The following NEK7 variants were observed in gnomAD, a reference collection of about 807,000 sequenced individuals.
NEK7 encodes the protein NIMA related kinase 7.
Under a neutral mutation model 44.6 loss-of-function variants are expected in NEK7, and 18 were observed. That is an observed-to-expected ratio of 0.40 (90% CI 0.28 to 0.60). NEK7 has a LOEUF of 0.60. NEK7 is among the 20% of genes least tolerant of loss of function. The pLI is 0.38. For synonymous variants in NEK7, 130 were observed against 121.1 expected (o/e 1.07, Z -0.48); for missense variants, 256 against 366.5 (o/e 0.70, Z 2.46).
At chr1:198,243,566 C>T (rs953050911) in intron 2 of NEK7, among the ~76,000 whole-genome samples, 1 of 152,086 alleles carries the variant, frequency 6.6e-6, no homozygotes, top group African/African-American at 2.4e-5. Flanking sequence ...TTGGTTACAT[C>T]ATTTGGATGT....
chr1:198,309,100 G>A (rs1253766404), intron 9 of NEK7, among the ~76,000 whole-genome samples: 1 of 152,128 alleles, frequency 6.6e-6, no homozygotes, highest in Non-Finnish European at 1.5e-5. Context: ...GTACACTGGG[G>A]GCCAAGTAGA....
rs547636004 is a variant in NEK7, at chr1:198,250,731, G to A, written c.58-2309G>A. On this transcript the variant is annotated intron_variant, in intron 2 of 9. Coordinates refer to ENST00000367385, the MANE Select transcript of NEK7 (RefSeq NM_133494.3). ...CTTGTGATTTTTGTACATTGATTTT[G>A]TATCCTGAGACTTTGCTGAAGTTGC... Among the ~76,000 whole-genome samples, 26 of 144,904 alleles carry A rather than the reference G, an allele frequency of 1.8e-4. No individual in the cohort carries two copies. In the South Asian group the frequency reaches 3.8e-3, roughly 21 times the overall value.
At chr1:198,233,945 C>CT (rs1666476486) in intron 2 of NEK7, among the ~76,000 whole-genome samples, 1 of 151,990 alleles carries the variant, frequency 6.6e-6, no homozygotes, top group Admixed American at 6.6e-5. Flanking sequence ...TACCATAAAG[C>CT]TTTGTCTGAT....
At chr1:198,204,153 G>A (rs554202021) in intron 1 of NEK7, among the ~76,000 whole-genome samples, 6 of 152,278 alleles carry the variant, frequency 3.9e-5, no homozygotes, top group Middle Eastern at 3.4e-3. Flanking sequence ...CCAGCTACCC[G>A]GGAGGCTGGA....
At chr1:198,262,084 G>C (rs756330861) in intron 3 of NEK7, among the ~76,000 whole-genome samples, 1 of 151,884 alleles carries the variant, frequency 6.6e-6, no homozygotes, top group Non-Finnish European at 1.5e-5. Flanking sequence ...TAATGGTTCA[G>C]TGCTTGGGTT....
intron 1 of NEK7, among the ~76,000 whole-genome samples, chr1:198,172,190 G>T (rs1664471013): frequency 6.6e-6 from 1 of 152,114 alleles, no homozygotes; most frequent in South Asian, 2.1e-4. Context: ...GTTTTGGCTG[G>T]GGTGTGGATT....
chr1:198,253,392 G>A (rs551488336), intron 3 of NEK7, among the ~76,000 whole-genome samples: 4 of 152,122 alleles, frequency 2.6e-5, no homozygotes, highest in East Asian at 1.9e-4. Context: ...AATTTAGCTC[G>A]TATTGAACCT....
At chr1:198,277,933 A>G in intron 5 of NEK7, 28 bp from the exon 6 acceptor site, 2 of 1,389,114 alleles carry the variant, frequency 1.4e-6, no homozygotes, top group East Asian at 2.3e-5. Flanking sequence ...TTTAGTTTTT[A>G]TAGTTCTTAT....
chr1:198,287,876 G>A (rs184122930), intron 7 of NEK7, among the ~76,000 whole-genome samples: 1 of 152,232 alleles, frequency 6.6e-6, no homozygotes, highest in South Asian at 2.1e-4. Flanking sequence ...GAGACAAATG[G>A]TTCTTTGATT....
intron 1 of NEK7, among the ~76,000 whole-genome samples, chr1:198,184,775 C>T (rs928390934): frequency 1.3e-5 from 2 of 152,184 alleles, no homozygotes; most frequent in African/African-American, 4.8e-5. Context: ...CTGAAGTGGT[C>T]CTCTTGCTTC....
chr1:198,169,807 G>A (rs905709244), intron 1 of NEK7, among the ~76,000 whole-genome samples: 1 of 152,174 alleles, frequency 6.6e-6, no homozygotes, highest in African/African-American at 2.4e-5. Flanking sequence ...ATTGAGTCTT[G>A]TTGTAGTTAT....
At position 198,280,872 on chromosome 1, in the gene NEK7, T is replaced by G. The variant is rs531535016; in HGVS notation, c.589+1811T>G. Among the ~76,000 whole-genome samples the G allele has an allele frequency of 1.6e-4, 24 of 151,024 alleles. No individual in the cohort carries two copies. In the South Asian group the frequency reaches 4.4e-3, roughly 27 times the overall value. On this transcript the variant is annotated intron_variant, in intron 7 of 9. Coordinates refer to ENST00000367385, the MANE Select transcript of NEK7 (RefSeq NM_133494.3). Reference sequence around the variant, plus strand: ...TACCTGAAATACAGCAGTGAAAAAATAGAAATGAGACTGTTTTCTTAACAG... The same window carrying G: ...TACCTGAAATACAGCAGTGAAAAAAGAGAAATGAGACTGTTTTCTTAACAG...
At chr1:198,310,006 G>C (rs1400039342) in intron 9 of NEK7, among the ~76,000 whole-genome samples, 2 of 151,556 alleles carry the variant, frequency 1.3e-5, no homozygotes, top group Non-Finnish European at 3.0e-5. Flanking sequence ...CTAGATCCCT[G>C]AGGAATCGCC....
chr1:198,296,659 G>A (rs1225521348), intron 8 of NEK7, among the ~76,000 whole-genome samples: 1 of 152,090 alleles, frequency 6.6e-6, no homozygotes, highest in Non-Finnish European at 1.5e-5. Flanking sequence ...TTTATCTTCA[G>A]AAACTATTAT....
At chr1:198,165,339 C>G (rs1664233433) in intron 1 of NEK7, among the ~76,000 whole-genome samples, 1 of 152,170 alleles carries the variant, frequency 6.6e-6, no homozygotes, top group Non-Finnish European at 1.5e-5. Flanking sequence ...TCAGAGTGAT[C>G]ACTGTTTATG....
At chr1:198,191,763 T>C (rs531869430) in intron 1 of NEK7, among the ~76,000 whole-genome samples, 43 of 152,238 alleles carry the variant, frequency 2.8e-4, no homozygotes, top group Admixed American at 8.5e-4. Flanking sequence ...TTTTCATATT[T>C]AGTTCTTTAA....
chr1:198,212,508 C>T (rs999132932), intron 1 of NEK7, among the ~76,000 whole-genome samples: 1 of 152,226 alleles, frequency 6.6e-6, no homozygotes, highest in Admixed American at 6.5e-5. Context: ...AGCTGCACTC[C>T]TGCCTTAAAC....
At chr1:198,220,452 T>G (rs1334938483) in intron 1 of NEK7, among the ~76,000 whole-genome samples, 1 of 152,138 alleles carries the variant, frequency 6.6e-6, no homozygotes. Context: ...ACTGGGATAC[T>G]AGAAACATTC....
At chr1:198,308,646 T>C (rs1655084514) in intron 9 of NEK7, among the ~76,000 whole-genome samples, 1 of 152,252 alleles carries the variant, frequency 6.6e-6, no homozygotes, top group Non-Finnish European at 1.5e-5. Context: ...TTTCTCCCTC[T>C]TGCCTTAAAT....
Sources: allele counts gnomAD v4.1 joint callset (sites outside exome capture counted in the v4.1 genomes callset), GRCh38; gene constraint gnomAD v4.1.1; transcripts MANE v1.5; gene names NCBI Gene and HGNC (gene_info 2026-07-23, HGNC 2026-07-21).